EIF5: variants seen among roughly 807,000 people sequenced by gnomAD.
EIF5 encodes the protein eukaryotic translation initiation factor 5.
Under a neutral mutation model 48.3 loss-of-function variants are expected in EIF5, and 10 were observed. That is an observed-to-expected ratio of 0.21 (90% CI 0.13 to 0.35). The LOEUF (loss-of-function observed/expected upper bound fraction) is 0.35. Ranked by LOEUF, EIF5 falls within the 10% of genes least tolerant of loss-of-function variation. The pLI, the probability that EIF5 is intolerant of heterozygous loss-of-function variation, is 1.00. For synonymous variants in EIF5, 237 were observed against 173.1 expected, an observed-to-expected ratio of 1.37 and a Z score of -2.90; for missense variants, 397 against 533.2, an observed-to-expected ratio of 0.74 and a Z score of 2.51.
chr14:103,335,944 CTCT>C lies in EIF5; in HGVS notation c.72+15_72+17del. 6.2e-7 allele frequency: 1 copy of C among 1,614,140 alleles called. No individual in the cohort carries two copies. Among genetic ancestry groups the C allele is most frequent in the Non-Finnish European group, 8.5e-7 (1 of 1,179,980 alleles). ...GTCTGATTGCCAAGGTAATAAACTG[CTCT>C]TCAATTTAGTTGATAGCTCTTTTTG... On this transcript the variant is annotated intron_variant, in intron 3 of 11. Transcript: ENST00000216554.
Position 103,339,661 on chromosome 14 carries a change from C to G in EIF5, c.929C>G (p.Ala310Gly), listed in dbSNP as rs1184167532. 8 of 1,614,052 alleles carry G rather than the reference C, an allele frequency of 5.0e-6. No individual in the cohort carries two copies. The highest frequency in any genetic ancestry group is 6.8e-6 in the Non-Finnish European group (8 of 1,180,046). The change falls in exon 10 of 12, where the codon GCC becomes GGC. Residue 310 changes from alanine to glycine, a missense_variant. Coordinates refer to ENST00000216554, the MANE Select transcript of EIF5 (RefSeq NM_001969.5). ...CAGTTTTGTCACAACAACAAAAAAGCCCAACGGTACCTTCTTCATGGTTTG... is the reference window on the plus strand; with the variant it reads ...CAGTTTTGTCACAACAACAAAAAAGGCCAACGGTACCTTCTTCATGGTTTG... ...FLRFCHNNKK[A>G]QRYLLHGLEC...
At position 103,335,942 on chromosome 14, in the gene EIF5, T is replaced by A; in HGVS notation, c.72+10T>A. 6.2e-7 allele frequency: 1 copy of A among 1,614,160 alleles called. No homozygotes were observed. The highest frequency in any genetic ancestry group is 1.3e-5 in the African/African-American group (1 of 75,068). On this transcript the variant is annotated intron_variant, in intron 3 of 11. Transcript: ENST00000216554. ...CCGTCTGATTGCCAAGGTAATAAACTGCTCTTCAATTTAGTTGATAGCTCT... is the reference window on the plus strand; with the variant it reads ...CCGTCTGATTGCCAAGGTAATAAACAGCTCTTCAATTTAGTTGATAGCTCT...
In EIF5 at chr14:103,340,541, G is replaced by T; in HGVS notation, c.1186G>T (p.Asp396Tyr). The part of the protein sequence containing the change: ...EEESSGGEEE[D>Y]EDENIEVVYS... ...AGAATCTTCTGGTGGCGAAGAAGAA[G>T]ATGAAGATGAGAACATTGAGGTAAA... is the stretch of plus-strand genomic sequence containing the variant. Residue 396 changes from aspartate to tyrosine, a missense_variant, in exon 11 of 12, where the codon GAT (aspartate) becomes TAT (tyrosine). Physicochemically the swap from Asp to Tyr is radical, Grantham distance 160. This residue lies in a region of EIF5 where 160 missense variants were observed against 184.8 expected (regional missense o/e 0.87). Transcript: ENST00000216554. 6.2e-7 allele frequency: 1 copy of T among 1,612,628 alleles called. No homozygotes were observed. The highest frequency in any genetic ancestry group is 8.5e-7 in the Non-Finnish European group (1 of 1,178,656).
rs771121218 is a variant in EIF5 at position 103,335,853 on chromosome 14, A to G, written c.-8A>G. On this transcript the variant is annotated 5_prime_UTR_variant, in exon 3 of 12. In the 5' UTR this introduces an upstream ATG that the reference lacks. Transcript: ENST00000216554. Reference sequence around the variant, plus strand: ...TCATCTTATTGATAAAGCCACTAATAAGCCAAAATGTCTGTCAATGTCAAC... The same window carrying G: ...TCATCTTATTGATAAAGCCACTAATGAGCCAAAATGTCTGTCAATGTCAAC... 4.3e-6 allele frequency: 7 copies of G among 1,614,056 alleles called. No homozygotes were observed.
intron 10 of EIF5, 22 bp from the exon 11 acceptor site, chr14:103,340,405 G>C: frequency 6.3e-7 from 1 of 1,592,370 alleles, no homozygotes; most frequent in Non-Finnish European, 8.6e-7. Flanking sequence ...TCAACTAAGA[G>C]ACTTGTACTC....
intron 4 of EIF5, 138 bp downstream of exon 4, chr14:103,336,255 C>T: frequency 1.1e-6 from 1 of 916,860 alleles, no homozygotes; most frequent in Non-Finnish European, 1.6e-6. Flanking sequence ...TATTGGTTGC[C>T]ATGAGTTTAC....
chr14:103,340,368 T>G, intron 10 of EIF5, 59 bp from the exon 11 acceptor site: 1 of 1,569,142 alleles, frequency 6.4e-7, no homozygotes, highest in South Asian at 1.1e-5. Flanking sequence ...GGGGATTGTA[T>G]AAATAATCAA....
Position 103,338,723 on chromosome 14 carries a change from T to A in EIF5, c.586-12T>A. 6.2e-7 allele frequency: 1 copy of A among 1,611,148 alleles called. No homozygotes were observed. Among genetic ancestry groups the A allele is most frequent in the African/African-American group, 1.3e-5 (1 of 74,842 alleles). On this transcript the variant is annotated splice_polypyrimidine_tract_variant and intron_variant, in intron 7 of 11. Transcript: ENST00000216554. The stretch of plus-strand genomic sequence containing the variant: ...AAGGCCTTTGATCAAGTAGCTCTGT[T>A]TTCATAAACAGGAAGAAGAGGAGGA...
At chr14:103,339,422 T>A in intron 9 of EIF5, 89 bp downstream of exon 9, 2 of 1,500,730 alleles carry the variant, frequency 1.3e-6, no homozygotes, top group Admixed American at 4.4e-5. Flanking sequence ...TGTCCTGTCA[T>A]GCTTGAAAGT....
chr14:103,335,554 A>G (rs1272869407), intron 2 of EIF5, 99 bp from the exon 3 acceptor site: 5 of 431,690 alleles, frequency 1.2e-5, no homozygotes, highest in African/African-American at 5.9e-5. Flanking sequence ...GGTGGAGTTA[A>G]GCAGAAGCAT....
rs1297245799 is a variant in EIF5, at chr14:103,342,201, C to T, written c.*1149C>T. On this transcript the variant is annotated 3_prime_UTR_variant, in exon 12 of 12. Transcript: ENST00000216554. ...GAAAGCTAAAAGCATACTTCTAAGT[C>T]AGAGCCTCTATTTTGGTGTAAGACT... The T allele has an allele frequency of 2.0e-5, 3 of 152,354 alleles. No individual in the cohort carries two copies. Among genetic ancestry groups the T allele is most frequent in the Non-Finnish European group, 4.4e-5 (3 of 67,986 alleles). 9.4% of individuals were successfully genotyped at this position (152,354 alleles called of 1,614,324 possible). A position where few individuals can be genotyped will look rare whatever the true frequency, so the allele number is the denominator to read the frequency against.
chr14:103,335,458 C>T (rs2089273901), intron 2 of EIF5, 195 bp from the exon 3 acceptor site: 2 of 185,524 alleles, frequency 1.1e-5, no homozygotes, highest in Non-Finnish European at 1.2e-5. Flanking sequence ...ACAGCTTAGT[C>T]GAAATGGAGG....
intron 6 of EIF5, chr14:103,337,715 C>T (rs954732594): frequency 2.5e-6 from 1 of 394,866 alleles, no homozygotes; most frequent in Non-Finnish European, 4.9e-6. Context: ...GCCAATTAAA[C>T]TGTGCCATAT....
Position 103,337,817 on chromosome 14 carries a change from A to G in EIF5, c.440-510A>G, listed in dbSNP as rs550449250. The G allele has an allele frequency of 6.0e-6, 3 of 498,536 alleles. No homozygotes were observed. In the Admixed American group the frequency reaches 6.4e-5, roughly 11 times the overall value. The allele number at this position is 498,536 out of a possible 1,614,324, so 30.9% of individuals were successfully genotyped here. A position where few individuals can be genotyped will look rare whatever the true frequency, so the allele number is the denominator to read the frequency against. ...TTCTTTTACTGGCATTGTTTGGTAA[A>G]GAGGGCCCCCTTCATTAAACTTGAA... On this transcript the variant is annotated intron_variant, in intron 6 of 11. Coordinates refer to ENST00000216554, the MANE Select transcript of EIF5 (RefSeq NM_001969.5).
chr14:103,336,889 C>T lies in EIF5; in HGVS notation c.327+40C>T, dbSNP rs375669411. ...GGTTGTCGAAAGAAAAAGCCATATA[C>T]CTGCTTCTGTGATACCGCTAAGTCA... On this transcript the variant is annotated intron_variant, in intron 5 of 11. Transcript: ENST00000216554. 4.2e-5 allele frequency: 67 copies of T among 1,581,640 alleles called. No homozygotes were observed. The Admixed American group carries it at 6.0e-4, about 14-fold the overall frequency.
At chr14:103,334,936 C>T (rs955198797) in intron 2 of EIF5, 3 of 152,170 alleles carry the variant, frequency 2.0e-5, no homozygotes, top group Non-Finnish European at 2.9e-5. Flanking sequence ...CGCCGGCTCT[C>T]GGGGGACGCG....
At chr14:103,337,778 A>G (rs560125919) in intron 6 of EIF5, 3 of 454,518 alleles carry the variant, frequency 6.6e-6, no homozygotes, top group South Asian at 5.0e-5. Flanking sequence ...ATTCTGCTGG[A>G]AACCCAGCAA....
rs1305610893 is a variant in EIF5, at chr14:103,344,750, C to CTAAAAA, written c.*3699_*3704dup. ...TTAGGAGAGTAGAAAACACAATTAA[C>CTAAAAA]TAAAAAGCAGGGACATCTGAAAGAG... On this transcript the variant is annotated 3_prime_UTR_variant, in exon 12 of 12. Transcript: ENST00000216554. 38 of 152,042 alleles carry CTAAAAA rather than the reference C, an allele frequency of 2.5e-4. No individual in the cohort carries two copies. The highest frequency in any genetic ancestry group is 2.5e-3 in the Admixed American group (38 of 15,262). The allele number at this position is 152,042 out of a possible 1,614,324, so 9.4% of individuals were successfully genotyped here. A position where few individuals can be genotyped will look rare whatever the true frequency, so the allele number is the denominator to read the frequency against.
Position 103,336,846 on chromosome 14 carries a change from T to C in EIF5, c.324T>C (p.Asp108=), listed in dbSNP as rs753567424. The C allele has an allele frequency of 6.2e-7, 1 of 1,612,196 alleles. No individual in the cohort carries two copies. The highest frequency in any genetic ancestry group is 8.5e-7 in the Non-Finnish European group (1 of 1,179,504). Residue 108 remains aspartate, a synonymous_variant, in exon 5 of 12, where the codon GAT becomes GAC. Coordinates refer to ENST00000216554, the MANE Select transcript of EIF5 (RefSeq NM_001969.5). ...LCPECENPET[D]LHVNPKKQTI... ...CTGAATGTGAGAATCCTGAAACAGA[T>C]TTGGTAAGTGCTTTTGTGGTTGTCG...
Sources: gnomAD v4.1 joint callset for allele counts on GRCh38, gnomAD v4.1.1 for gene constraint, gnomAD v4.1.1 regional missense constraint, MANE v1.5 for transcripts, NCBI Gene and HGNC (gene_info 2026-07-23, HGNC 2026-07-21) for gene names.